The following GRK1 variants were observed in gnomAD, a reference collection of about 807,000 sequenced individuals.
GRK1 encodes rhodopsin kinase GRK1.
GRK1 carries 28 observed loss-of-function variants against 41.7 expected under a neutral mutation model. That is an observed-to-expected ratio of 0.67 (90% CI 0.50 to 0.92). GRK1 has a LOEUF of 0.92. Among genes scored for constraint, GRK1 ranks in the 40% least tolerant of loss-of-function variants. The probability of loss-of-function intolerance (pLI) is 0.00; values close to 1 mark genes in which losing one functional copy is unlikely to be tolerated. For synonymous variants in GRK1, 327 were observed against 286.7 expected (o/e 1.14, Z -1.42); for missense variants, 703 against 671.2 (o/e 1.05, Z -0.52).
At chr13:113,666,214 G>C (rs1290490291), upstream of GRK1, among the ~76,000 whole-genome samples, 1 of 150,868 alleles carries the variant, frequency 6.6e-6, no homozygotes, top group Non-Finnish European at 1.5e-5. Context: ...TGCCCCCGCT[G>C]TCCCAGGTGT....
the GRK1 span, among the ~76,000 whole-genome samples, chr13:113,654,228 G>A: frequency 9.9e-5 from 15 of 152,170 alleles, no homozygotes; most frequent in African/African-American, 1.7e-4. Flanking sequence ...AAATCTATAC[G>A]TGGTTTAAAA....
chr13:113,658,656 G>A, the GRK1 span, among the ~76,000 whole-genome samples: 3 of 152,198 alleles, frequency 2.0e-5, no homozygotes, highest in South Asian at 6.2e-4. Flanking sequence ...CCCCGATTCT[G>A]GGTCACCCAG....
the GRK1 span, among the ~76,000 whole-genome samples, chr13:113,651,444 C>A: frequency 6.6e-6 from 1 of 152,242 alleles, no homozygotes; most frequent in African/African-American, 2.4e-5. Context: ...TACTCAGATG[C>A]TTCTGGAAGC....
At chr13:113,657,702 C>G in the GRK1 span, among the ~76,000 whole-genome samples, 2 of 152,250 alleles carry the variant, frequency 1.3e-5, no homozygotes, top group African/African-American at 4.8e-5. Context: ...CCACCTTTCA[C>G]GTTATTTTCA....
the GRK1 span, among the ~76,000 whole-genome samples, chr13:113,650,983 C>T: frequency 6.6e-6 from 1 of 151,884 alleles, no homozygotes; most frequent in African/African-American, 2.4e-5. The surrounding 1 kb of genome is among the most constrained non-coding windows in gnomAD (Gnocchi z 5.0). Flanking sequence ...TGCTTTGGAT[C>T]TGTTAGAATC....
chr13:113,653,505 G>T, the GRK1 span: 2 of 1,418,860 alleles, frequency 1.4e-6, no homozygotes, highest in East Asian at 2.3e-5. Context: ...TTCTGAAGTG[G>T]CTGAGGATAC....
chr13:113,649,431 G>T, the GRK1 span: 1 of 1,585,902 alleles, frequency 6.3e-7, no homozygotes, highest in East Asian at 2.3e-5. This position sits in a 1 kb window ranked among gnomAD's most constrained non-coding sequence, Gnocchi z 4.7. Flanking sequence ...CGTGGGGATT[G>T]TTGAAGGTCA....
upstream of GRK1, among the ~76,000 whole-genome samples, chr13:113,663,646 A>T (rs554141751): frequency 1.3e-5 from 2 of 152,244 alleles, no homozygotes; most frequent in Non-Finnish European, 2.9e-5. Flanking sequence ...CATGGTCAAA[A>T]GATGTGAAGA....
intron 5 of GRK1, 62 bp from the exon 6 acceptor site, chr13:113,732,822 T>C: frequency 2.0e-6 from 3 of 1,517,330 alleles, no homozygotes; most frequent in Non-Finnish European, 2.7e-6. Flanking sequence ...GGAGCTGTGG[T>C]CTGGTCTGAC....
intron 6 of GRK1, among the ~76,000 whole-genome samples, chr13:113,734,007 TGCGTGCATGTGTGTGC>T (rs2049981024): frequency 1.5e-5 from 2 of 134,042 alleles, no homozygotes; most frequent in African/African-American, 7.4e-5. Flanking sequence ...TGTGTGCGTG[TGCGTGCATGTGTGTGC>T]GTGCGTGTGC....
At chr13:113,656,497 C>T in the GRK1 span, among the ~76,000 whole-genome samples, 1,017 of 152,296 alleles carry the variant, frequency 6.7e-3, 14 homozygotes, top group African/African-American at 0.023. Flanking sequence ...GCCATGCTCC[C>T]TGCACTTCCT....
rs1256264317 is a variant in GRK1, at chr13:113,734,035, T to C, written c.1396+950T>C. ...GTGCATGTGTGTGCGTGCGTGTGCG[T>C]ATGTGTGTGTGCATACGTGTGTGTG... On this transcript the variant is annotated intron_variant, in intron 6 of 6. Coordinates refer to ENST00000335678, the MANE Select transcript of GRK1 (RefSeq NM_002929.3). 5.9e-3 allele frequency among the ~76,000 whole-genome samples: 767 copies of C among 130,276 alleles called. 17 individuals carry two copies. Among genetic ancestry groups the C allele is most frequent in the African/African-American group, 0.023 (719 of 31,696 alleles). 85.5% of individuals were successfully genotyped at this position (130,276 alleles called of 152,430 possible). A position where few individuals can be genotyped will look rare whatever the true frequency, so the allele number is the denominator to read the frequency against.
At chr13:113,664,768 T>C (rs1023636515), upstream of GRK1, among the ~76,000 whole-genome samples, 1 of 152,136 alleles carries the variant, frequency 6.6e-6, no homozygotes, top group East Asian at 1.9e-4. This position sits in a 1 kb window ranked among gnomAD's most constrained non-coding sequence, Gnocchi z 5.4. Context: ...GGGCGATTCA[T>C]GTGTGTAGCT....
rs150069021 is a variant in GRK1, at chr13:113,732,204, T to A, written c.1195-680T>A. ...GCATCAGGCTGCCTTGAGGTGCGGC[T>A]CTTCCCTGGCCACCCATCGCCCCCT... On this transcript the variant is annotated intron_variant, in intron 5 of 6. Transcript: ENST00000335678. 8.5e-5 allele frequency among the ~76,000 whole-genome samples: 13 copies of A among 152,282 alleles called. No homozygotes were observed. In the East Asian group the frequency reaches 2.5e-3, roughly 29 times the overall value.
the GRK1 span, among the ~76,000 whole-genome samples, chr13:113,649,816 T>C: frequency 6.6e-6 from 1 of 152,154 alleles, no homozygotes; most frequent in Non-Finnish European, 1.5e-5. This position sits in a 1 kb window ranked among gnomAD's most constrained non-coding sequence, Gnocchi z 4.7. Context: ...AAGCACGTGA[T>C]GTGGAGGAAA....
upstream of GRK1, among the ~76,000 whole-genome samples, chr13:113,663,955 A>C (rs2049803160): frequency 6.6e-6 from 1 of 152,236 alleles, no homozygotes; most frequent in African/African-American, 2.4e-5. Flanking sequence ...AGAAACTTCT[A>C]TTCACACAAA....
chr13:113,669,379 C>T (rs572348470), intron 1 of GRK1, among the ~76,000 whole-genome samples: 29 of 152,330 alleles, frequency 1.9e-4, no homozygotes, highest in African/African-American at 6.7e-4. Flanking sequence ...GCTGGGCAGG[C>T]GGGGCTGGCA....
the GRK1 span, among the ~76,000 whole-genome samples, chr13:113,648,538 G>T: frequency 6.6e-6 from 1 of 152,214 alleles, no homozygotes; most frequent in Admixed American, 6.5e-5. Flanking sequence ...AGCAAGAGCA[G>T]GTTTGCTTGT....
intron 4 of GRK1, among the ~76,000 whole-genome samples, 180 bp downstream of exon 4, chr13:113,723,337 C>T (rs1463023537): frequency 6.6e-6 from 1 of 151,914 alleles, no homozygotes. Flanking sequence ...ACCCTGATAT[C>T]TGAGGCAGGT....
Sources: allele counts gnomAD v4.1 joint callset (sites outside exome capture counted in the v4.1 genomes callset), GRCh38; gene constraint gnomAD v4.1.1; non-coding constraint Gnocchi (gnomAD v3.1); transcripts MANE v1.5; gene names NCBI Gene and HGNC (gene_info 2026-07-23, HGNC 2026-07-21).